Variants in FREM3 observed in about 807,000 individuals in gnomAD.
The protein encoded by FREM3 is FRAS1-related extracellular matrix protein 3.
In FREM3, 105 loss-of-function variants were observed where a neutral mutation model predicts 129.1. That is an observed-to-expected ratio of 0.81 (90% confidence interval 0.69 to 0.96). The LOEUF (loss-of-function observed/expected upper bound fraction) is 0.96, where lower values mean the gene tolerates loss of function less well. Among genes scored for constraint, FREM3 ranks in the 40% least tolerant of loss-of-function variants. FREM3 has a pLI of 0.00. For missense variants in FREM3, 2,593 were observed against 2,666.3 expected, an observed-to-expected ratio of 0.97 and a Z score of 0.61; for synonymous variants, 1,014 against 1,044.9, an observed-to-expected ratio of 0.97 and a Z score of 0.57.
chr4:143,592,873 CA>C (rs1380618721), intron 6 of FREM3, among the ~76,000 whole-genome samples: 1 of 152,216 alleles, frequency 6.6e-6, no homozygotes. Context: ...CTTTCAGGTA[CA>C]CCAGTCAGAC....
chr4:143,594,135 C>G (rs1738420202), intron 6 of FREM3, among the ~76,000 whole-genome samples: 1 of 152,198 alleles, frequency 6.6e-6, no homozygotes, highest in East Asian at 1.9e-4. Context: ...TCACCCCTTT[C>G]TTTGACTAGG....
At chr4:143,684,898 A>G (rs1740329529) in intron 2 of FREM3, among the ~76,000 whole-genome samples, 1 of 152,182 alleles carries the variant, frequency 6.6e-6, no homozygotes, top group Non-Finnish European at 1.5e-5. Flanking sequence ...GAACAAGTAG[A>G]AGAAAGAAAT....
At chr4:143,660,442 T>G (rs930685891) in intron 2 of FREM3, among the ~76,000 whole-genome samples, 2 of 152,208 alleles carry the variant, frequency 1.3e-5, no homozygotes, top group African/African-American at 4.8e-5. Context: ...CATTGATCTA[T>G]ATCTCTGTTT....
chr4:143,593,523 A>T (rs1382801119), intron 6 of FREM3, among the ~76,000 whole-genome samples: 1 of 152,262 alleles, frequency 6.6e-6, no homozygotes, highest in South Asian at 2.1e-4. Flanking sequence ...TTGCCTGGGT[A>T]TCAGCAGCGG....
chr4:143,667,474 T>C (rs1739884835), intron 2 of FREM3, among the ~76,000 whole-genome samples: 1 of 152,218 alleles, frequency 6.6e-6, no homozygotes, highest in Non-Finnish European at 1.5e-5. Context: ...CCTCAAATAA[T>C]CGTTGAACTC....
At chr4:143,682,293 T>C (rs1740266679) in intron 2 of FREM3, among the ~76,000 whole-genome samples, 1 of 152,188 alleles carries the variant, frequency 6.6e-6, no homozygotes. Context: ...CCCTTTGACC[T>C]TTTCTGCCCA....
chr4:143,638,535 C>T (rs909751291), intron 2 of FREM3, among the ~76,000 whole-genome samples: 1 of 152,060 alleles, frequency 6.6e-6, no homozygotes, highest in Non-Finnish European at 1.5e-5. Flanking sequence ...AAGAATCATG[C>T]TCATTTTCGG....
intron 2 of FREM3, among the ~76,000 whole-genome samples, chr4:143,651,714 T>C (rs189569068): frequency 3.9e-5 from 6 of 152,292 alleles, no homozygotes; most frequent in Admixed American, 3.3e-4. Context: ...GTTGAAATTG[T>C]GCAAATCCAA....
At chr4:143,663,174 A>G (rs1159991630) in intron 2 of FREM3, among the ~76,000 whole-genome samples, 1 of 151,956 alleles carries the variant, frequency 6.6e-6, no homozygotes, top group East Asian at 1.9e-4. Flanking sequence ...GTTTCTTCCT[A>G]GTCTTGATGG....
chr4:143,621,617 C>CT (rs1738952998), intron 4 of FREM3, among the ~76,000 whole-genome samples: 1 of 152,204 alleles, frequency 6.6e-6, no homozygotes, highest in Admixed American at 6.5e-5. Context: ...TGAGCAGACA[C>CT]TGTGCTGGTC....
intron 6 of FREM3, among the ~76,000 whole-genome samples, chr4:143,588,048 A>G (rs1738272869): frequency 6.6e-6 from 1 of 152,104 alleles, no homozygotes; most frequent in South Asian, 2.1e-4. Flanking sequence ...TTCATCCACC[A>G]AAGCAGCCAA....
intron 7 of FREM3, among the ~76,000 whole-genome samples, chr4:143,582,275 C>T (rs1398630864): frequency 6.6e-6 from 1 of 152,168 alleles, no homozygotes; most frequent in African/African-American, 2.4e-5. Context: ...GGAACCCACA[C>T]TGTTAGAGTG....
At chr4:143,657,471 G>A (rs941625570) in intron 2 of FREM3, among the ~76,000 whole-genome samples, 2 of 152,148 alleles carry the variant, frequency 1.3e-5, no homozygotes, top group East Asian at 3.8e-4. Flanking sequence ...AGATCCCAGA[G>A]CCAGCAAACA....
chr4:143,585,527 T>TG lies in FREM3; in HGVS notation c.6178+316dup, dbSNP rs1738225217. On this transcript the variant is annotated intron_variant, in intron 7 of 7. Coordinates refer to ENST00000329798, the MANE Select transcript of FREM3 (RefSeq NM_001168235.2). The surrounding 1 kb of genome is among the most constrained non-coding windows in gnomAD (Gnocchi z 4.2). The stretch of plus-strand genomic sequence containing the variant: ...CGAGTTGGGACTTGCTTGGCCATTA[T>TG]GGGGGTAATTTCATCTGAAATATTG... Among the ~76,000 whole-genome samples, 1 of 152,194 alleles carries TG rather than the reference T, an allele frequency of 6.6e-6. No homozygotes were observed. The highest frequency in any genetic ancestry group is 1.5e-5 in the Non-Finnish European group (1 of 68,046).
intron 6 of FREM3, among the ~76,000 whole-genome samples, chr4:143,588,864 G>GACAGT (rs1738298031): frequency 6.7e-6 from 1 of 149,124 alleles, no homozygotes; most frequent in South Asian, 2.2e-4. Flanking sequence ...CCACCAACAG[G>GACAGT]GTAAAAGTGT....
chr4:143,639,981 A>C (rs556154082), intron 2 of FREM3, among the ~76,000 whole-genome samples: 4 of 151,992 alleles, frequency 2.6e-5, no homozygotes, highest in Non-Finnish European at 4.4e-5. Flanking sequence ...ATCGTCTCCT[A>C]CCTCTCTTAC....
intron 2 of FREM3, among the ~76,000 whole-genome samples, chr4:143,665,861 G>T (rs759075627): frequency 1.3e-5 from 2 of 151,958 alleles, no homozygotes; most frequent in Non-Finnish European, 1.5e-5. Context: ...GATATCAAAG[G>T]CCTGATTTAT....
chr4:143,588,568 T>G (rs1738288436), intron 6 of FREM3, among the ~76,000 whole-genome samples: 1 of 152,170 alleles, frequency 6.6e-6, no homozygotes, highest in Non-Finnish European at 1.5e-5. Context: ...ACAATGGACA[T>G]GAACTCATCA....
intron 2 of FREM3, 129 bp downstream of exon 2, chr4:143,692,984 G>A: frequency 2.2e-6 from 1 of 454,110 alleles, no homozygotes; most frequent in Admixed American, 4.0e-5. Context: ...TTTGTATTAT[G>A]ACATTATTTA....
Sources: gnomAD v4.1 joint callset for allele counts (sites outside exome capture counted in the v4.1 genomes callset) on GRCh38, gnomAD v4.1.1 for gene constraint, Gnocchi (gnomAD v3.1) non-coding constraint, MANE v1.5 for transcripts, NCBI Gene and HGNC (gene_info 2026-07-23, HGNC 2026-07-21) for gene names.